FLI1: variants seen among roughly 807,000 people sequenced by gnomAD.
The protein encoded by FLI1 is Fli-1 proto-oncogene, ETS transcription factor.
In FLI1, 13 loss-of-function variants were observed where a neutral mutation model predicts 53.1. The observed-to-expected ratio is 0.24, with a 90% confidence interval of 0.16 to 0.39. The LOEUF (loss-of-function observed/expected upper bound fraction) is 0.39, where lower values mean the gene tolerates loss of function less well. Ranked by LOEUF, FLI1 falls within the 10% of genes least tolerant of loss-of-function variation. FLI1 has a pLI of 1.00. For missense variants in FLI1, 424 were observed against 600.5 expected (o/e 0.71, Z 3.07); for synonymous variants, 244 against 236.7 (o/e 1.03, Z -0.28).
chr11:128,784,377 T>C (rs1942023304), intron 5 of FLI1, among the ~76,000 whole-genome samples: 2 of 152,150 alleles, frequency 1.3e-5, no homozygotes, highest in African/African-American at 4.8e-5. Flanking sequence ...TCATTCAGGC[T>C]TATTGCAGGA....
intron 1 of FLI1, among the ~76,000 whole-genome samples, chr11:128,717,487 T>C (rs532610157): frequency 2.6e-5 from 4 of 152,146 alleles, no homozygotes; most frequent in Non-Finnish European, 5.9e-5. Context: ...TTCTAAGGCA[T>C]GTAGGTGCTG....
intron 1 of FLI1, among the ~76,000 whole-genome samples, chr11:128,722,440 T>C (rs1389341616): frequency 6.6e-6 from 1 of 152,142 alleles, no homozygotes. Context: ...TAGCCAGAGG[T>C]GGCCCTCACA....
rs1942924876 is a variant in FLI1, at chr11:128,811,036, T to TA, written c.*49dup. ...CTAGCTGAAGCCCATCCTGCACACTTACTGGATGCTTTGGACTCAACAGGA... is the reference window on the plus strand; with the variant it reads ...CTAGCTGAAGCCCATCCTGCACACTTAACTGGATGCTTTGGACTCAACAGGA... On this transcript the variant is annotated 3_prime_UTR_variant, in exon 9 of 9. Transcript: ENST00000527786. The TA allele has an allele frequency of 6.3e-7, 1 of 1,578,372 alleles. No individual in the cohort carries two copies. The highest frequency in any genetic ancestry group is 8.7e-7 in the Non-Finnish European group (1 of 1,148,208).
chr11:128,718,843 C>A (rs1939128367), intron 1 of FLI1, among the ~76,000 whole-genome samples: 1 of 151,990 alleles, frequency 6.6e-6, no homozygotes, highest in Admixed American at 6.6e-5. Context: ...ACCAGCAGAG[C>A]AGCTGAGGTT....
intron 5 of FLI1, among the ~76,000 whole-genome samples, chr11:128,794,894 G>A (rs587415): frequency 0.13 from 20,101 of 152,136 alleles, 1,666 homozygotes; most frequent in Non-Finnish European, 0.18. Context: ...TAGGCAACAT[G>A]GGGAGAGTCA....
Position 128,811,141 on chromosome 11 carries a change from AT to A in FLI1, c.*161del. The A allele has an allele frequency of 1.2e-4, 85 of 720,520 alleles. No individual in the cohort carries two copies. The highest frequency in any genetic ancestry group is 1.5e-4 in the Non-Finnish European group (67 of 441,612). 44.6% of individuals were successfully genotyped at this position (720,520 alleles called of 1,614,324 possible). A position where few individuals can be genotyped will look rare whatever the true frequency, so the allele number is the denominator to read the frequency against. On this transcript the variant is annotated 3_prime_UTR_variant, in exon 9 of 9. Transcript: ENST00000527786. Reference sequence around the variant, plus strand: ...ACCTTTGTATTTGTTCTTTAAAAACATTTTTTTTAATGTTGGTAACTTTTGC... The same window carrying A: ...ACCTTTGTATTTGTTCTTTAAAAACATTTTTTTAATGTTGGTAACTTTTGC...
chr11:128,717,726 A>G (rs1293109688), intron 1 of FLI1, among the ~76,000 whole-genome samples: 1 of 152,230 alleles, frequency 6.6e-6, no homozygotes, highest in African/African-American at 2.4e-5. Context: ...CTTTGCACCT[A>G]GTTTGAACAG....
At chr11:128,714,217 A>AG (rs1371085220) in intron 1 of FLI1, among the ~76,000 whole-genome samples, 2 of 151,922 alleles carry the variant, frequency 1.3e-5, no homozygotes, top group African/African-American at 4.8e-5. Context: ...AAAAAAAAAA[A>AG]AAAAAAAAAC....
intron 1 of FLI1, among the ~76,000 whole-genome samples, chr11:128,712,106 T>C (rs145661824): frequency 2.0e-5 from 3 of 152,210 alleles, no homozygotes; most frequent in Admixed American, 1.3e-4. Flanking sequence ...GATTAGATCA[T>C]GGGGGGCAGA....
chr11:128,719,326 C>T (rs1009273497), intron 1 of FLI1, among the ~76,000 whole-genome samples: 1 of 144,316 alleles, frequency 6.9e-6, no homozygotes, highest in Non-Finnish European at 1.5e-5. Context: ...AAATGGTCTG[C>T]GTGTGTGTGT....
At chr11:128,702,989 C>T (rs1938403553) in intron 1 of FLI1, among the ~76,000 whole-genome samples, 1 of 151,698 alleles carries the variant, frequency 6.6e-6, no homozygotes, top group Admixed American at 6.6e-5. Flanking sequence ...ACTTACAAAT[C>T]AATAAGAAAA....
Position 128,776,075 on chromosome 11 carries a change from CTATT to C in FLI1, c.589+3095_589+3098del, listed in dbSNP as rs202214315. ...TTTACATTTCACAAAAGGTGCTTGACTATTTATTCTGGTGGTTTGGGAGGGGAGC... is the reference window on the plus strand; with the variant it reads ...TTTACATTTCACAAAAGGTGCTTGACTATTCTGGTGGTTTGGGAGGGGAGC... On this transcript the variant is annotated intron_variant, in intron 4 of 8. Coordinates refer to ENST00000527786, the MANE Select transcript of FLI1 (RefSeq NM_002017.5). Among the ~76,000 whole-genome samples the C allele has an allele frequency of 6.8e-4, 104 of 152,336 alleles. No individual in the cohort carries two copies. The East Asian group carries it at 0.017, about 25-fold the overall frequency.
At chr11:128,721,702 T>G (rs659652) in intron 1 of FLI1, among the ~76,000 whole-genome samples, 125,182 of 152,182 alleles carry the variant, frequency 0.82, 52,023 homozygotes, top group East Asian at 0.96. Context: ...CTCTTGGCAC[T>G]CTGGGATTTC....
At chr11:128,700,031 A>G (rs1938257041) in intron 1 of FLI1, among the ~76,000 whole-genome samples, 1 of 152,254 alleles carries the variant, frequency 6.6e-6, no homozygotes, top group Admixed American at 6.5e-5. Flanking sequence ...TAAGCCACAT[A>G]TGTGTGCCCT....
chr11:128,730,815 G>A (rs1294992693), intron 1 of FLI1, among the ~76,000 whole-genome samples: 4 of 152,238 alleles, frequency 2.6e-5, no homozygotes, highest in Non-Finnish European at 5.9e-5. Flanking sequence ...CCAATGGGCT[G>A]TATTTAGAGG....
At chr11:128,698,733 T>TGAGA (rs1555106992) in intron 1 of FLI1, among the ~76,000 whole-genome samples, 14 of 133,798 alleles carry the variant, frequency 1.0e-4, no homozygotes, top group South Asian at 2.4e-4. Context: ...TGTGTGTGTG[T>TGAGA]GAGAGAGAGA....
At chr11:128,714,038 GT>G (rs1938900888) in intron 1 of FLI1, among the ~76,000 whole-genome samples, 1 of 152,170 alleles carries the variant, frequency 6.6e-6, no homozygotes, top group Admixed American at 6.5e-5. Flanking sequence ...TCAGACTAAT[GT>G]TTTACTGAGT....
intron 2 of FLI1, among the ~76,000 whole-genome samples, chr11:128,762,474 A>G (rs2135818827): frequency 6.6e-6 from 1 of 152,360 alleles, no homozygotes; most frequent in Admixed American, 6.5e-5. Context: ...TGCTCTAAAT[A>G]TAAACCACAT....
At chr11:128,802,789 A>C (rs1942671539) in intron 5 of FLI1, among the ~76,000 whole-genome samples, 1 of 152,244 alleles carries the variant, frequency 6.6e-6, no homozygotes, top group Admixed American at 6.5e-5. Context: ...AGGCTCCATC[A>C]CTCAGAGCTA....
Sources: gnomAD v4.1 joint callset for allele counts (sites outside exome capture counted in the v4.1 genomes callset) on GRCh38, gnomAD v4.1.1 for gene constraint, MANE v1.5 for transcripts, NCBI Gene and HGNC (gene_info 2026-07-23, HGNC 2026-07-21) for gene names.